Variants in JAKMIP1 observed in about 807,000 individuals in gnomAD.
JAKMIP1 encodes the protein janus kinase and microtubule interacting protein 1.
Under a neutral mutation model 113.0 loss-of-function variants are expected in JAKMIP1, and 33 were observed. That is an observed-to-expected ratio of 0.29 (90% CI 0.22 to 0.39). The LOEUF is 0.39. Among genes scored for constraint, JAKMIP1 ranks in the 10% least tolerant of loss-of-function variants. The probability of loss-of-function intolerance (pLI) is 1.00; values close to 1 mark genes in which losing one functional copy is unlikely to be tolerated. For missense variants in JAKMIP1, 813 were observed against 1,080.5 expected (o/e 0.75, Z 3.47); for synonymous variants, 480 against 459.9 (o/e 1.04, Z -0.56).
chr4:6,033,615 G>A (rs1713025237), intron 19 of JAKMIP1, among the ~76,000 whole-genome samples: 2 of 152,136 alleles, frequency 1.3e-5, no homozygotes, highest in East Asian at 3.9e-4. Flanking sequence ...GAACTAACTT[G>A]CCTCAGGTCA....
rs923899347 is a variant in JAKMIP1 at position 6,042,035 on chromosome 4, G to A, written c.2097+124C>T. On this transcript the variant is annotated intron_variant, in intron 17 of 20. Coordinates refer to ENST00000409021, the MANE Select transcript of JAKMIP1 (RefSeq NM_001099433.2). The surrounding 1 kb of genome is among the most constrained non-coding windows in gnomAD (Gnocchi z 5.2). ...ACAATTACTTAGAACAACCACTGGG[G>A]CAAAAGCAAAATTGAGAAATGCATG... is the stretch of plus-strand genomic sequence containing the variant. 5 of 764,682 alleles carry A rather than the reference G, an allele frequency of 6.5e-6. No individual in the cohort carries two copies. In the African/African-American group the frequency reaches 6.9e-5, roughly 11 times the overall value. 47.4% of individuals were successfully genotyped at this position (764,682 alleles called of 1,614,324 possible).
Position 6,106,209 on chromosome 4 carries a change from T to G in JAKMIP1, c.130-242A>C, listed in dbSNP as rs1405093359. 1.3e-5 allele frequency among the ~76,000 whole-genome samples: 2 copies of G among 152,234 alleles called. No individual in the cohort carries two copies. Among genetic ancestry groups the G allele is most frequent in the Non-Finnish European group, 2.9e-5 (2 of 68,032 alleles). On this transcript the variant is annotated intron_variant, in intron 2 of 20. Coordinates refer to ENST00000409021, the MANE Select transcript of JAKMIP1 (RefSeq NM_001099433.2). The surrounding 1 kb of genome is among the most constrained non-coding windows in gnomAD (Gnocchi z 5.9). ...CCTGGGGGTGGAAACCCCCTGAGGA[T>G]GCTGGAGAGGCATTCAAGCCTTTGA...
rs1246140110 is a variant in JAKMIP1 at position 6,188,155 on chromosome 4, A to G, written c.-148+12098T>C. Among the ~76,000 whole-genome samples, 1 of 152,180 alleles carries G rather than the reference A, an allele frequency of 6.6e-6. No homozygotes were observed. The highest frequency in any genetic ancestry group is 1.5e-5 in the Non-Finnish European group (1 of 68,026). ...ATCCAAGAGTCTCTGAACACCATCTACAAAAATGTCCACTACCAGCTTCCT... is the reference window on the plus strand; with the variant it reads ...ATCCAAGAGTCTCTGAACACCATCTGCAAAAATGTCCACTACCAGCTTCCT... On this transcript the variant is annotated intron_variant, in intron 1 of 20. Coordinates refer to ENST00000409021, the MANE Select transcript of JAKMIP1 (RefSeq NM_001099433.2). The surrounding 1 kb of genome is among the most constrained non-coding windows in gnomAD (Gnocchi z 5.8).
In JAKMIP1 at chr4:6,138,896, T is replaced by A. The variant is rs1719656725; in HGVS notation, c.-147-25899A>T. ...AGCACTTTCAACAGAGCAAGGCCAG[T>A]TGGGCGCTAAGCAACTACTGCTTAC... On this transcript the variant is annotated intron_variant, in intron 1 of 20. Coordinates refer to ENST00000409021, the MANE Select transcript of JAKMIP1 (RefSeq NM_001099433.2). This position sits in a 1 kb window ranked among gnomAD's most constrained non-coding sequence, Gnocchi z 6.0. Among the ~76,000 whole-genome samples the A allele has an allele frequency of 6.6e-6, 1 of 152,178 alleles. No individual in the cohort carries two copies. The highest frequency in any genetic ancestry group is 2.4e-5 in the African/African-American group (1 of 41,400).
intron 13 of JAKMIP1, chr4:6,053,673 G>A: frequency 1.8e-6 from 1 of 543,098 alleles, no homozygotes; most frequent in Non-Finnish European, 2.5e-6. Context: ...CTTCCGTCTG[G>A]GTGTGCAGAA....
chr4:6,080,746 C>T lies in JAKMIP1; in HGVS notation c.1102-434G>A, dbSNP rs1720396665. 6.6e-6 allele frequency among the ~76,000 whole-genome samples: 1 copy of T among 152,054 alleles called. No homozygotes were observed. ...TAAACCTCTTTTTCTTTACAAATTA[C>T]CCAGTCTCAGGTATGCCTTTATCAG... On this transcript the variant is annotated intron_variant, in intron 6 of 20. Coordinates refer to ENST00000409021, the MANE Select transcript of JAKMIP1 (RefSeq NM_001099433.2). The surrounding 1 kb of genome is among the most constrained non-coding windows in gnomAD (Gnocchi z 6.0).
Position 6,042,090 on chromosome 4 carries a change from T to G in JAKMIP1, c.2097+69A>C. ...TCATTAGGAAAACACATGCAAAGCCTTCCTGCAAATCAACCTCTCTGAGCT... is the reference window on the plus strand; with the variant it reads ...TCATTAGGAAAACACATGCAAAGCCGTCCTGCAAATCAACCTCTCTGAGCT... On this transcript the variant is annotated intron_variant, in intron 17 of 20. Transcript: ENST00000409021. This position sits in a 1 kb window ranked among gnomAD's most constrained non-coding sequence, Gnocchi z 5.2. The G allele has an allele frequency of 7.8e-7, 1 of 1,275,498 alleles. No individual in the cohort carries two copies. Among genetic ancestry groups the G allele is most frequent in the Non-Finnish European group, 1.1e-6 (1 of 878,638 alleles). 79.0% of individuals were successfully genotyped at this position (1,275,498 alleles called of 1,614,324 possible).
intron 16 of JAKMIP1, among the ~76,000 whole-genome samples, chr4:6,045,132 C>G (rs1323726241): frequency 6.6e-6 from 1 of 152,256 alleles, no homozygotes; most frequent in Non-Finnish European, 1.5e-5. Context: ...CCCAAGGCTT[C>G]GACTCACGGC....
chr4:6,183,951 C>A lies in JAKMIP1; in HGVS notation c.-148+16302G>T, dbSNP rs1470786022. 6.6e-6 allele frequency among the ~76,000 whole-genome samples: 1 copy of A among 152,222 alleles called. No homozygotes were observed. Among genetic ancestry groups the A allele is most frequent in the Non-Finnish European group, 1.5e-5 (1 of 68,036 alleles). The stretch of plus-strand genomic sequence containing the variant: ...AAGTCCATTAATACTCAAGATGCCA[C>A]AGCTGTTCAGATTGCAACTGTCACC... On this transcript the variant is annotated intron_variant, in intron 1 of 20. Transcript: ENST00000409021. The surrounding 1 kb of genome is among the most constrained non-coding windows in gnomAD (Gnocchi z 5.3).
chr4:6,043,263 C>G lies in JAKMIP1; in HGVS notation c.2029-1036G>C, dbSNP rs186656617. Among the ~76,000 whole-genome samples, 659 of 151,722 alleles carry G rather than the reference C, an allele frequency of 4.3e-3. 3 individuals are homozygous for G. Among genetic ancestry groups the G allele is most frequent in the African/African-American group, 0.015 (623 of 41,340 alleles). On this transcript the variant is annotated intron_variant, in intron 16 of 20. Transcript: ENST00000409021. ...CCAGATCCCGGCTGTGGAGCACCCC[C>G]TTTCCTGACTCCAGGCCTTGGCTGC...
intron 1 of JAKMIP1, among the ~76,000 whole-genome samples, chr4:6,114,246 G>A (rs1715402223): frequency 6.6e-6 from 1 of 152,186 alleles, no homozygotes; most frequent in Non-Finnish European, 1.5e-5. Flanking sequence ...GGCAAGGAAG[G>A]CCATGAACAG....
In JAKMIP1 at chr4:6,129,486, C is replaced by T. The variant is rs1718208722; in HGVS notation, c.-147-16489G>A. ...TGAAGTCGACTGGTTAAACACATCA[C>T]CCCATTATCTGTTCAGCACAAGTTT... On this transcript the variant is annotated intron_variant, in intron 1 of 20. Coordinates refer to ENST00000409021, the MANE Select transcript of JAKMIP1 (RefSeq NM_001099433.2). This position sits in a 1 kb window ranked among gnomAD's most constrained non-coding sequence, Gnocchi z 5.4. Among the ~76,000 whole-genome samples the T allele has an allele frequency of 6.6e-6, 1 of 152,092 alleles. No homozygotes were observed. Among genetic ancestry groups the T allele is most frequent in the South Asian group, 2.1e-4 (1 of 4,820 alleles).
intron 1 of JAKMIP1, among the ~76,000 whole-genome samples, chr4:6,127,430 G>A (rs1311134753): frequency 6.6e-6 from 1 of 152,216 alleles, no homozygotes; most frequent in East Asian, 1.9e-4. Flanking sequence ...GACTGTGCCA[G>A]GGGAAGCCTG....
chr4:6,099,436 C>G (rs578060946), intron 3 of JAKMIP1, among the ~76,000 whole-genome samples: 7 of 152,364 alleles, frequency 4.6e-5, no homozygotes, highest in Admixed American at 1.3e-4. Context: ...CATAGCGTCA[C>G]GCACCCCCTC....
At position 6,197,612 on chromosome 4, in the gene JAKMIP1, G is replaced by A. The variant is rs537303785; in HGVS notation, c.-148+2641C>T. ...AGAAGCCCTGCAGGTTGATCCCGTC[G>A]CCACTATGGGGAGAGGAGTGACCCA... On this transcript the variant is annotated intron_variant, in intron 1 of 20. Coordinates refer to ENST00000409021, the MANE Select transcript of JAKMIP1 (RefSeq NM_001099433.2). This position sits in a 1 kb window ranked among gnomAD's most constrained non-coding sequence, Gnocchi z 6.5. Among the ~76,000 whole-genome samples the A allele has an allele frequency of 1.9e-4, 29 of 152,276 alleles. No individual in the cohort carries two copies. Among genetic ancestry groups the A allele is most frequent in the Non-Finnish European group, 3.2e-4 (22 of 68,018 alleles).
chr4:6,125,543 C>T (rs763214776), intron 1 of JAKMIP1, among the ~76,000 whole-genome samples: 60 of 151,696 alleles, frequency 4.0e-4, no homozygotes, highest in Non-Finnish European at 8.1e-4. Context: ...GTTACAGACA[C>T]AAACATGCAG....
chr4:6,098,605 AG>A (rs1712312703), intron 3 of JAKMIP1, among the ~76,000 whole-genome samples: 1 of 148,460 alleles, frequency 6.7e-6, no homozygotes, highest in Non-Finnish European at 1.5e-5. Context: ...AAAGAAAGGA[AG>A]AAAAGAAAGA....
chr4:6,147,672 G>C (rs1038858104), intron 1 of JAKMIP1, among the ~76,000 whole-genome samples: 4 of 151,778 alleles, frequency 2.6e-5, no homozygotes, highest in Admixed American at 2.6e-4. Context: ...CCCCCACCGG[G>C]TCCACACCAA....
intron 12 of JAKMIP1, 84 bp from the exon 13 acceptor site, chr4:6,054,232 G>A: frequency 7.3e-7 from 1 of 1,375,374 alleles, no homozygotes; most frequent in Non-Finnish European, 1.0e-6. Flanking sequence ...TGAGTGGCTG[G>A]AGGGAAACAG....
Sources: allele counts gnomAD v4.1 joint callset (sites outside exome capture counted in the v4.1 genomes callset), GRCh38; gene constraint gnomAD v4.1.1; non-coding constraint Gnocchi (gnomAD v3.1); transcripts MANE v1.5; gene names NCBI Gene and HGNC (gene_info 2026-07-23, HGNC 2026-07-21).